Variants in MCM9 observed in about 807,000 individuals in gnomAD.
The protein encoded by MCM9 is minichromosome maintenance 9 homologous recombination repair factor, also known as DNA helicase MCM9.
MCM9 carries 55 observed loss-of-function variants against 72.8 expected under a neutral mutation model. The ratio of observed to expected loss-of-function variants is 0.76; its 90% CI spans 0.61 to 0.95. The LOEUF (loss-of-function observed/expected upper bound fraction) is 0.95, where lower values mean the gene tolerates loss of function less well. MCM9 is among the 40% of genes least tolerant of loss of function. The pLI is 0.00. For missense variants in MCM9, 1,279 were observed against 1,377.0 expected (o/e 0.93, Z 1.13); for synonymous variants, 480 against 503.4 (o/e 0.95, Z 0.62).
chr6:118,929,111 T>C (rs1280557114), intron 3 of MCM9, among the ~76,000 whole-genome samples: 4 of 151,750 alleles, frequency 2.6e-5, no homozygotes, highest in Non-Finnish European at 5.9e-5. Flanking sequence ...TCCCAGCTAC[T>C]TGGGAGGCTG....
chr6:118,843,720 G>GTA (rs375762540), intron 9 of MCM9, among the ~76,000 whole-genome samples: 50,589 of 101,180 alleles, frequency 0.5, 13,271 homozygotes, highest in East Asian at 0.67. Context: ...ATATATATAT[G>GTA]TATATATATA....
intron 8 of MCM9, among the ~76,000 whole-genome samples, chr6:118,875,094 CAA>C (rs1216018358): frequency 6.6e-6 from 1 of 152,132 alleles, no homozygotes; most frequent in Admixed American, 6.5e-5. Flanking sequence ...GCCTGGGTGA[CAA>C]GAGTGAAACT....
intron 8 of MCM9, among the ~76,000 whole-genome samples, chr6:118,862,342 T>C (rs982959143): frequency 4.6e-5 from 7 of 152,150 alleles, no homozygotes; most frequent in African/African-American, 1.7e-4. Flanking sequence ...TGGCCACACC[T>C]CCCACACTGC....
At chr6:118,911,550 C>A in intron 8 of MCM9, 100 bp downstream of exon 8, 2 of 1,420,590 alleles carry the variant, frequency 1.4e-6, no homozygotes, top group Non-Finnish European at 9.2e-7. Flanking sequence ...CAAAAATTAG[C>A]TTGAAATTTA....
rs2114516374 is a variant in MCM9 at position 118,821,325 on chromosome 6, A to T, written c.1961+4822T>A. On this transcript the variant is annotated intron_variant, in intron 13 of 13. Coordinates refer to ENST00000619706, the MANE Select transcript of MCM9 (RefSeq NM_017696.3). ...CTCTTGTAAGGCAGGCCTGCTGGTT[A>T]CAAAATATTTCAGCATTTGCATGTC... Among the ~76,000 whole-genome samples the T allele has an allele frequency of 2.0e-5, 3 of 152,288 alleles. No individual in the cohort carries two copies. The East Asian group carries it at 5.8e-4, about 29-fold the overall frequency.
At chr6:118,843,704 G>GTA (rs1393873992) in intron 9 of MCM9, among the ~76,000 whole-genome samples, 3 of 60,840 alleles carry the variant, frequency 4.9e-5, no homozygotes, top group South Asian at 1.0e-3. Flanking sequence ...ATATATATAT[G>GTA]TATGTATATA....
chr6:118,910,217 G>GT (rs1252794286), intron 8 of MCM9, among the ~76,000 whole-genome samples: 4 of 150,278 alleles, frequency 2.7e-5, no homozygotes, highest in East Asian at 3.9e-4. Context: ...CAGTATTTTG[G>GT]TTTTTTTTTA....
At chr6:118,851,755 C>T (rs921552510) in intron 9 of MCM9, among the ~76,000 whole-genome samples, 2 of 149,184 alleles carry the variant, frequency 1.3e-5, no homozygotes, top group African/African-American at 5.2e-5. Flanking sequence ...TAGATAGTGG[C>T]TAAGACAAAA....
chr6:118,915,748 GAATCCATTCATA>G (rs1375697588), intron 6 of MCM9, among the ~76,000 whole-genome samples: 7 of 152,190 alleles, frequency 4.6e-5, no homozygotes, highest in Admixed American at 4.6e-4. Context: ...AGGAAACTGA[GAATCCATTCATA>G]CTAACAAGAG....
intron 9 of MCM9, among the ~76,000 whole-genome samples, chr6:118,851,703 C>A (rs1776236885): frequency 6.6e-6 from 1 of 151,842 alleles, no homozygotes. Flanking sequence ...GGCTAAAATA[C>A]TGGTTGTGAT....
At chr6:118,894,532 GC>G (rs1295130469) in intron 8 of MCM9, 2 of 1,531,540 alleles carry the variant, frequency 1.3e-6, no homozygotes, top group Admixed American at 2.0e-5. Flanking sequence ...GGTGAGTGCG[GC>G]GCCCGTGCGC....
rs1199800489 is a variant in MCM9 at position 118,922,455 on chromosome 6, A to G, written c.622-369T>C. On this transcript the variant is annotated intron_variant, in intron 4 of 13. Coordinates refer to ENST00000619706, the MANE Select transcript of MCM9 (RefSeq NM_017696.3). ...GACAAATCACCCAGTCCCTATGATT[A>G]CTCCTTAGTAACAGAACCCTAGTTT... is the stretch of plus-strand genomic sequence containing the variant. Among the ~76,000 whole-genome samples the G allele has an allele frequency of 2.0e-5, 3 of 152,172 alleles. 1 individual carries two copies. Among genetic ancestry groups the G allele is most frequent in the Non-Finnish European group, 4.4e-5 (3 of 68,030 alleles).
chr6:118,896,356 T>C (rs1360381086), intron 8 of MCM9, among the ~76,000 whole-genome samples: 1 of 152,158 alleles, frequency 6.6e-6, no homozygotes, highest in African/African-American at 2.4e-5. Context: ...TTTTCAGATA[T>C]ACCACCAGAA....
intron 9 of MCM9, among the ~76,000 whole-genome samples, chr6:118,839,177 C>T (rs1005464332): frequency 1.3e-5 from 2 of 151,738 alleles, no homozygotes; most frequent in Non-Finnish European, 2.9e-5. Context: ...TTAAGTTGAT[C>T]TTCAATCTCT....
At chr6:118,879,646 T>C (rs1778156543) in intron 8 of MCM9, among the ~76,000 whole-genome samples, 3 of 151,628 alleles carry the variant, frequency 2.0e-5, no homozygotes, top group Admixed American at 6.6e-5. Context: ...GCCATCAGAA[T>C]AAAAAATACT....
chr6:118,855,643 G>A (rs1410866109), intron 9 of MCM9, among the ~76,000 whole-genome samples: 1 of 152,064 alleles, frequency 6.6e-6, no homozygotes, highest in East Asian at 1.9e-4. Context: ...GACACTGCTG[G>A]CAGCCCTACC....
chr6:118,821,499 C>G (rs942760453), intron 13 of MCM9, among the ~76,000 whole-genome samples: 6 of 152,204 alleles, frequency 3.9e-5, no homozygotes, highest in African/African-American at 1.4e-4. Flanking sequence ...TGCGGTTAGT[C>G]TGATGGGCTT....
intron 8 of MCM9, among the ~76,000 whole-genome samples, chr6:118,880,294 A>G (rs892437898): frequency 6.6e-6 from 1 of 152,212 alleles, no homozygotes; most frequent in Non-Finnish European, 1.5e-5. Flanking sequence ...GTAGAAGTTT[A>G]CAAGGAACTG....
chr6:118,826,129 TG>T lies in MCM9; in HGVS notation c.1961+17del. The T allele has an allele frequency of 6.5e-7, 1 of 1,541,792 alleles. No individual in the cohort carries two copies. The highest frequency in any genetic ancestry group is 8.7e-7 in the Non-Finnish European group (1 of 1,144,058). On this transcript the variant is annotated intron_variant, in intron 13 of 13. Transcript: ENST00000619706. ...AAGGATTTTCCATTGTATGCCTTTC[TG>T]GGTTTTCATTCCTCACCTTTCAAGT... is the stretch of plus-strand genomic sequence containing the variant.
Sources: gnomAD v4.1 joint callset for allele counts (sites outside exome capture counted in the v4.1 genomes callset) on GRCh38, gnomAD v4.1.1 for gene constraint, MANE v1.5 for transcripts, NCBI Gene and HGNC (gene_info 2026-07-23, HGNC 2026-07-21) for gene names.